TTC27: variants seen among roughly 807,000 people sequenced by gnomAD.
The protein encoded by TTC27 is tetratricopeptide repeat domain 27, also known as tetratricopeptide repeat protein 27.
In TTC27, 79 loss-of-function variants were observed where a neutral mutation model predicts 115.9. The observed-to-expected ratio is 0.68, with a 90% CI of 0.57 to 0.82. The LOEUF (loss-of-function observed/expected upper bound fraction) is 0.82, where lower values mean the gene tolerates loss of function less well. Among genes scored for constraint, TTC27 ranks in the 40% least tolerant of loss-of-function variants. The pLI is 0.00. For missense variants in TTC27, 1,054 were observed against 993.1 expected (o/e 1.06, Z -0.82); for synonymous variants, 401 against 356.0 (o/e 1.13, Z -1.42).
intron 8 of TTC27, among the ~76,000 whole-genome samples, chr2:32,673,041 A>G (rs1330619824): frequency 6.6e-6 from 1 of 152,208 alleles, no homozygotes; most frequent in Non-Finnish European, 1.5e-5. Flanking sequence ...GATCCAGTCT[A>G]GAATATATGT....
At chr2:32,751,453 A>G (rs1669012388) in intron 12 of TTC27, among the ~76,000 whole-genome samples, 1 of 152,184 alleles carries the variant, frequency 6.6e-6, no homozygotes, top group South Asian at 2.1e-4. Flanking sequence ...AGCACTTAGT[A>G]GAGGATCTGC....
chr2:32,807,501 C>T (rs1027911481), intron 16 of TTC27, among the ~76,000 whole-genome samples: 4 of 152,172 alleles, frequency 2.6e-5, no homozygotes, highest in African/African-American at 7.2e-5. Context: ...AACTGTCATA[C>T]CGGCACTTCC....
At chr2:32,762,699 T>C (rs1037056975) in intron 13 of TTC27, among the ~76,000 whole-genome samples, 1 of 152,028 alleles carries the variant, frequency 6.6e-6, no homozygotes, top group African/African-American at 2.4e-5. Context: ...AGTGGCGCGA[T>C]CTCAGCTTCT....
chr2:32,816,915 G>A (rs919232005), intron 18 of TTC27, among the ~76,000 whole-genome samples: 2 of 152,124 alleles, frequency 1.3e-5, no homozygotes, highest in Non-Finnish European at 2.9e-5. Flanking sequence ...GTCTGTGTGG[G>A]TACTTTGTTT....
At chr2:32,652,618 A>C (rs976750727) in intron 5 of TTC27, among the ~76,000 whole-genome samples, 2 of 152,160 alleles carry the variant, frequency 1.3e-5, no homozygotes, top group Non-Finnish European at 2.9e-5. Context: ...GTTCTAGGCT[A>C]ATCAACGGCA....
At chr2:32,809,974 A>G (rs940124015) in intron 16 of TTC27, among the ~76,000 whole-genome samples, 9 of 152,024 alleles carry the variant, frequency 5.9e-5, no homozygotes, top group African/African-American at 2.2e-4. Flanking sequence ...AAAATTAGCC[A>G]GGCATGGTGG....
intron 4 of TTC27, among the ~76,000 whole-genome samples, chr2:32,646,625 G>A (rs190487245): frequency 1.4e-5 from 2 of 144,118 alleles, no homozygotes; most frequent in Admixed American, 1.4e-4. Context: ...GTGCAGTGGC[G>A]CGATCTCTGC....
intron 4 of TTC27, among the ~76,000 whole-genome samples, chr2:32,645,170 A>G (rs997923594): frequency 3.9e-5 from 6 of 152,206 alleles, no homozygotes; most frequent in Non-Finnish European, 2.9e-5. Flanking sequence ...TTTTTGTGAA[A>G]TTATAGAAGA....
intron 9 of TTC27, among the ~76,000 whole-genome samples, chr2:32,679,358 A>G (rs1190464997): frequency 4.6e-5 from 7 of 152,176 alleles, no homozygotes; most frequent in Non-Finnish European, 8.8e-5. Flanking sequence ...ATTCAGAGGG[A>G]ATATGGTGTA....
At chr2:32,653,754 C>T (rs574926663) in intron 5 of TTC27, among the ~76,000 whole-genome samples, 1 of 152,234 alleles carries the variant, frequency 6.6e-6, no homozygotes, top group South Asian at 2.1e-4. Flanking sequence ...TTCATTTTAG[C>T]ATAGCATTTA....
chr2:32,679,016 C>A, intron 9 of TTC27, 94 bp downstream of exon 9: 1 of 1,046,622 alleles, frequency 9.6e-7, no homozygotes. Flanking sequence ...TGTTGAAACA[C>A]TGCCACCTAA....
chr2:32,758,256 A>G, intron 12 of TTC27, 36 bp from the exon 13 acceptor site: 1 of 1,573,034 alleles, frequency 6.4e-7, no homozygotes. Context: ...GCAGTTAATC[A>G]CTCTTAAGCA....
At chr2:32,666,914 G>GAACTGGTGTTT (rs1219059416) in intron 7 of TTC27, 146 bp downstream of exon 7, 1 of 979,382 alleles carries the variant, frequency 1.0e-6, no homozygotes, top group Non-Finnish European at 1.4e-6. Flanking sequence ...GAGTCAGGGA[G>GAACTGGTGTTT]AACTGGTGTT....
chr2:32,742,043 C>T (rs1016204269), intron 12 of TTC27, among the ~76,000 whole-genome samples: 9 of 152,186 alleles, frequency 5.9e-5, no homozygotes, highest in Non-Finnish European at 1.3e-4. Context: ...CTTATATGTA[C>T]TGCATTCTTT....
intron 18 of TTC27, among the ~76,000 whole-genome samples, chr2:32,815,532 C>G (rs944134012): frequency 2.0e-5 from 3 of 152,142 alleles, no homozygotes; most frequent in Non-Finnish European, 4.4e-5. Flanking sequence ...TTTGAAACAG[C>G]AAGTTATTTC....
At chr2:32,765,685 G>T (rs1425092274) in intron 13 of TTC27, among the ~76,000 whole-genome samples, 1 of 152,296 alleles carries the variant, frequency 6.6e-6, no homozygotes, top group Middle Eastern at 3.4e-3. Context: ...TAGAAAATCT[G>T]TTTAGTGCAG....
intron 1 of TTC27, among the ~76,000 whole-genome samples, chr2:32,629,121 C>A (rs999838072): frequency 6.6e-6 from 1 of 151,124 alleles, no homozygotes; most frequent in African/African-American, 2.4e-5. Flanking sequence ...AATGAGGCAG[C>A]AAAGTTGTTT....
chr2:32,690,312 C>G (rs1407235230), intron 9 of TTC27, among the ~76,000 whole-genome samples: 4 of 152,036 alleles, frequency 2.6e-5, no homozygotes, highest in Non-Finnish European at 5.9e-5. Context: ...GATCCAGAGT[C>G]TCAAAATTTG....
intron 12 of TTC27, among the ~76,000 whole-genome samples, chr2:32,754,857 G>T (rs1000011602): frequency 6.7e-6 from 1 of 149,494 alleles, no homozygotes; most frequent in Non-Finnish European, 1.5e-5. Flanking sequence ...GGACGGGGCG[G>T]CTGGCCAGGC....
Sources: gnomAD v4.1 joint callset for allele counts (sites outside exome capture counted in the v4.1 genomes callset) on GRCh38, gnomAD v4.1.1 for gene constraint, MANE v1.5 for transcripts, NCBI Gene and HGNC (gene_info 2026-07-23, HGNC 2026-07-21) for gene names.